The following KIF13B variants were observed in gnomAD, a reference collection of about 807,000 sequenced individuals.
KIF13B encodes kinesin family member 13B.
A neutral mutation model predicts 222.0 loss-of-function variants in KIF13B; 127 were observed. The observed-to-expected ratio is 0.57, with a 90% CI of 0.50 to 0.66. The LOEUF (loss-of-function observed/expected upper bound fraction) is 0.66. Among genes scored for constraint, KIF13B ranks in the 30% least tolerant of loss-of-function variants. KIF13B has a pLI of 0.00. For synonymous variants in KIF13B, 976 were observed against 919.0 expected, an observed-to-expected ratio of 1.06 and a Z score of -1.12; for missense variants, 2,173 against 2,379.0, an observed-to-expected ratio of 0.91 and a Z score of 1.80.
At chr8:29,225,672 T>C (rs4732671) in intron 2 of KIF13B, among the ~76,000 whole-genome samples, 123,532 of 152,116 alleles carry the variant, frequency 0.81, 51,068 homozygotes, top group Non-Finnish European at 0.89. Context: ...CCTTCCTGTG[T>C]CTGGCTGGAT....
intron 35 of KIF13B, among the ~76,000 whole-genome samples, chr8:29,107,802 C>T (rs188921447): frequency 6.6e-5 from 10 of 152,100 alleles, no homozygotes; most frequent in East Asian, 3.9e-4. Context: ...CCTCGTGATC[C>T]GCCCTCCTTG....
rs750447108 is a variant in KIF13B, at chr8:29,122,659, G to C, written c.3480-13C>G. 24 of 1,601,206 alleles carry C rather than the reference G, an allele frequency of 1.5e-5. No individual in the cohort carries two copies. In the African/African-American group the frequency reaches 2.9e-4, roughly 20 times the overall value. ...AGGTACTGGGGTCCTAAAACGGGAA[G>C]AACAAATGGCATCTGCCTCAGGTTA... On this transcript the variant is annotated splice_polypyrimidine_tract_variant and intron_variant, in intron 28 of 39. Coordinates refer to ENST00000524189, the MANE Select transcript of KIF13B (RefSeq NM_015254.4).
chr8:29,073,720 C>T (rs1807422485), intron 38 of KIF13B, among the ~76,000 whole-genome samples: 1 of 152,168 alleles, frequency 6.6e-6, no homozygotes, highest in Non-Finnish European at 1.5e-5. Flanking sequence ...ACTTGGCTTA[C>T]CTCAGCAGCT....
intron 14 of KIF13B, among the ~76,000 whole-genome samples, chr8:29,152,469 T>C (rs967197244): frequency 6.6e-6 from 1 of 152,106 alleles, no homozygotes; most frequent in Non-Finnish European, 1.5e-5. Context: ...TTTTAAGAAA[T>C]TGCCACAGCC....
intron 1 of KIF13B, among the ~76,000 whole-genome samples, chr8:29,261,141 AG>A (rs1816665981): frequency 6.6e-6 from 1 of 152,230 alleles, no homozygotes; most frequent in East Asian, 1.9e-4. Flanking sequence ...TGAACACAGG[AG>A]GTACTTTACA....
chr8:29,147,604 TA>T lies in KIF13B; in HGVS notation c.1814-3del. 6.2e-7 allele frequency: 1 copy of T among 1,602,854 alleles called. No individual in the cohort carries two copies. Among genetic ancestry groups the T allele is most frequent in the South Asian group, 1.1e-5 (1 of 90,820 alleles). ...TGTTTAATATGGACTGCATCGGATC[TA>T]AACACATTTTTAAAAAAGATACATG... On this transcript the variant is annotated splice_polypyrimidine_tract_variant and splice_region_variant and intron_variant, in intron 16 of 39. Transcript: ENST00000524189.
In KIF13B at chr8:29,186,434, G is replaced by T. The variant is rs1812931962; in HGVS notation, c.355C>A (p.Gln119Lys). 6.2e-7 allele frequency: 1 copy of T among 1,612,912 alleles called. No homozygotes were observed. The highest frequency in any genetic ancestry group is 1.7e-5 in the Admixed American group (1 of 59,810). ...CAAAGTCTTGGGATTAATCCAGGTT[G>T]GTCAGCTGTGCCCATCATGGTATAA... The part of the protein sequence containing the change: ...KSYTMMGTAD[Q>K]PGLIPRLCSG... Residue 119 changes from glutamine to lysine, a missense_variant, in exon 6 of 40, where the codon CAA (glutamine) becomes AAA (lysine). Gln to Lys is a moderately conservative substitution (Grantham distance 53). Transcript: ENST00000524189.
At chr8:29,106,860 C>A (rs1809096452) in intron 35 of KIF13B, among the ~76,000 whole-genome samples, 1 of 152,152 alleles carries the variant, frequency 6.6e-6, no homozygotes, top group South Asian at 2.1e-4. Flanking sequence ...GACTCCCTCA[C>A]ATCAGACCAT....
intron 35 of KIF13B, among the ~76,000 whole-genome samples, chr8:29,104,402 C>T (rs957152302): frequency 6.6e-6 from 1 of 152,168 alleles, no homozygotes; most frequent in Non-Finnish European, 1.5e-5. Context: ...TCCAACCCAT[C>T]TGTGTCTCTC....
At chr8:29,118,844 C>G (rs752219664) in intron 30 of KIF13B, 24 bp downstream of exon 30, 2 of 1,611,830 alleles carry the variant, frequency 1.2e-6, no homozygotes, top group Non-Finnish European at 8.5e-7. Context: ...TTCATCTGAC[C>G]ATCCCAAGTT....
chr8:29,226,279 A>G (rs1454141650), intron 2 of KIF13B, among the ~76,000 whole-genome samples: 1 of 152,210 alleles, frequency 6.6e-6, no homozygotes, highest in Admixed American at 6.5e-5. Context: ...GAAAGTAACT[A>G]GGGTCTGTAG....
intron 35 of KIF13B, among the ~76,000 whole-genome samples, chr8:29,102,670 G>A (rs1254062290): frequency 3.9e-5 from 6 of 152,296 alleles, no homozygotes; most frequent in South Asian, 4.1e-4. Flanking sequence ...GGTAAATAAC[G>A]AGAAGTGCCA....
chr8:29,123,518 A>G (rs376171579), intron 27 of KIF13B, 26 bp from the exon 28 acceptor site: 15 of 1,612,460 alleles, frequency 9.3e-6, no homozygotes, highest in African/African-American at 8.0e-5. Context: ...TGAGGATTCA[A>G]TGACAAAACT....
intron 2 of KIF13B, among the ~76,000 whole-genome samples, chr8:29,236,998 T>C (rs1450584610): frequency 1.3e-5 from 2 of 152,116 alleles, no homozygotes; most frequent in Non-Finnish European, 2.9e-5. Context: ...GAACTAAGGA[T>C]TGGTAAAGAT....
At position 29,167,409 on chromosome 8, in the gene KIF13B, T is replaced by C; in HGVS notation, c.1122A>G (p.Glu374=). The C allele has an allele frequency of 6.2e-7, 1 of 1,613,390 alleles. No individual in the cohort carries two copies. Among genetic ancestry groups the C allele is most frequent in the Non-Finnish European group, 8.5e-7 (1 of 1,179,852 alleles). ...NARIIRDLRE[E]VEKLREQLTK... Reference sequence around the variant, plus strand: ...TCAGCTGCTCCCGGAGTTTCTCAACTTCTTCCCGGAGATCCCGGATAATTC... The same window carrying C: ...TCAGCTGCTCCCGGAGTTTCTCAACCTCTTCCCGGAGATCCCGGATAATTC... Residue 374 remains glutamate (E), a synonymous_variant, in exon 11 of 40, where the codon GAA becomes GAG. Coordinates refer to ENST00000524189, the MANE Select transcript of KIF13B (RefSeq NM_015254.4).
At chr8:29,085,517 T>C (rs1053464357) in intron 37 of KIF13B, among the ~76,000 whole-genome samples, 2 of 151,898 alleles carry the variant, frequency 1.3e-5, no homozygotes, top group African/African-American at 2.4e-5. Flanking sequence ...CAGGTGTGTG[T>C]CACCACACCC....
intron 6 of KIF13B, among the ~76,000 whole-genome samples, chr8:29,182,782 G>A (rs1472343988): frequency 6.6e-6 from 1 of 151,992 alleles, no homozygotes; most frequent in East Asian, 1.9e-4. Flanking sequence ...TCTGTTAGGA[G>A]GAGTAAGTTC....
At chr8:29,110,960 G>A (rs1228750961) in intron 32 of KIF13B, among the ~76,000 whole-genome samples, 2 of 152,096 alleles carry the variant, frequency 1.3e-5, no homozygotes, top group African/African-American at 4.8e-5. Context: ...ACAAGATTGA[G>A]GGGAAAACAA....
intron 13 of KIF13B, among the ~76,000 whole-genome samples, chr8:29,158,879 C>T (rs1440065713): frequency 6.6e-6 from 1 of 152,234 alleles, no homozygotes; most frequent in African/African-American, 2.4e-5. Context: ...TCTTTGTTTA[C>T]GTTTTTAGTT....
Sources: gnomAD v4.1 joint callset for allele counts (sites outside exome capture counted in the v4.1 genomes callset) on GRCh38, gnomAD v4.1.1 for gene constraint, MANE v1.5 for transcripts, NCBI Gene and HGNC (gene_info 2026-07-23, HGNC 2026-07-21) for gene names.